UNC13B: variants seen among roughly 807,000 people sequenced by gnomAD.
UNC13B encodes the protein unc-13 homolog B, also known as protein unc-13 homolog B.
A neutral mutation model predicts 211.0 loss-of-function variants in UNC13B; 144 were observed. That is an observed-to-expected ratio of 0.68 (90% CI 0.60 to 0.78). The LOEUF (loss-of-function observed/expected upper bound fraction) is 0.78. Among genes scored for constraint, UNC13B ranks in the 30% least tolerant of loss-of-function variants. UNC13B has a pLI of 0.00. For synonymous variants in UNC13B, 709 were observed against 725.8 expected, an observed-to-expected ratio of 0.98 and a Z score of 0.37; for missense variants, 1,777 against 2,002.0, an observed-to-expected ratio of 0.89 and a Z score of 2.14.
Position 35,177,904 on chromosome 9 carries a change from A to G in UNC13B, c.22+15599A>G, listed in dbSNP as rs373606924. ...CAGGGAAGAATTGTAGAAAAAGTCA[A>G]GTTTTCCATTATGGTGTCACTCATT... is the stretch of plus-strand genomic sequence containing the variant. On this transcript the variant is annotated intron_variant, in intron 1 of 39. Coordinates refer to ENST00000635942, the MANE Select transcript of UNC13B (RefSeq NM_001371189.2). 7.6e-4 allele frequency among the ~76,000 whole-genome samples: 116 copies of G among 152,346 alleles called. 2 individuals are homozygous for G. In the South Asian group the frequency reaches 0.019, roughly 25 times the overall value.
At chr9:35,310,233 A>G (rs1374727458) in intron 9 of UNC13B, among the ~76,000 whole-genome samples, 1 of 152,234 alleles carries the variant, frequency 6.6e-6, no homozygotes, top group Non-Finnish European at 1.5e-5. Context: ...AGTCAAGTGC[A>G]GAACTGAGGT....
At chr9:35,279,138 TTCCAAAACA>T (rs1284589041) in intron 7 of UNC13B, among the ~76,000 whole-genome samples, 1 of 152,198 alleles carries the variant, frequency 6.6e-6, no homozygotes, top group Non-Finnish European at 1.5e-5. Context: ...ACCTGTCTAG[TTCCAAAACA>T]TTTTTATCCC....
chr9:35,285,256 A>G (rs1221911292), intron 7 of UNC13B, among the ~76,000 whole-genome samples: 1 of 151,990 alleles, frequency 6.6e-6, no homozygotes, highest in Non-Finnish European at 1.5e-5. Context: ...TGTCTGGGAG[A>G]CTGTGGCTTT....
At chr9:35,235,845 G>A (rs549407443) in intron 3 of UNC13B, among the ~76,000 whole-genome samples, 1 of 152,312 alleles carries the variant, frequency 6.6e-6, no homozygotes, top group African/African-American at 2.4e-5. Context: ...TGTTGCCTAT[G>A]GGTGGAAATT....
chr9:35,229,812 A>G (rs926348898), intron 2 of UNC13B, among the ~76,000 whole-genome samples: 3 of 152,204 alleles, frequency 2.0e-5, no homozygotes, highest in South Asian at 2.1e-4. Context: ...TTTAAATGAT[A>G]TTTAAAAGAA....
chr9:35,369,745 A>G (rs1004590932), intron 12 of UNC13B, among the ~76,000 whole-genome samples: 1 of 152,068 alleles, frequency 6.6e-6, no homozygotes, highest in African/African-American at 2.4e-5. Context: ...ATTACACTTG[A>G]TTATGAGGGC....
chr9:35,341,742 CAAGGGTTGTGTGTGCGTGAGTGTGCTGGG>C, intron 11 of UNC13B: 1 of 161,992 alleles, frequency 6.2e-6, no homozygotes, highest in Non-Finnish European at 1.3e-5. Flanking sequence ...AGCTTGCTGG[CAAGGGTTGTGTGTGCGTGAGTGTGCTGGG>C]AAGGGGGTGT....
chr9:35,218,574 T>G (rs1587397250), intron 1 of UNC13B, among the ~76,000 whole-genome samples: 2 of 151,868 alleles, frequency 1.3e-5, no homozygotes, highest in East Asian at 3.9e-4. Context: ...TTAATTAATT[T>G]TTTGTAGAGA....
At chr9:35,247,793 A>G (rs1403942261) in intron 6 of UNC13B, among the ~76,000 whole-genome samples, 1 of 152,218 alleles carries the variant, frequency 6.6e-6, no homozygotes, top group African/African-American at 2.4e-5. Flanking sequence ...AATGTTCATC[A>G]GGGATATTGG....
At chr9:35,312,790 G>T (rs1313834525) in intron 10 of UNC13B, among the ~76,000 whole-genome samples, 3 of 152,212 alleles carry the variant, frequency 2.0e-5, no homozygotes, top group Non-Finnish European at 4.4e-5. Context: ...TGTGGATAAT[G>T]AGTTGTTCTA....
At chr9:35,237,589 A>T in intron 4 of UNC13B, 114 bp from the exon 5 acceptor site, 3 of 1,335,250 alleles carry the variant, frequency 2.2e-6, no homozygotes, top group South Asian at 2.7e-5. Flanking sequence ...CCTTATCAGG[A>T]TGTGAATGGC....
intron 1 of UNC13B, among the ~76,000 whole-genome samples, chr9:35,212,163 A>G (rs918378119): frequency 2.0e-5 from 3 of 152,262 alleles, no homozygotes; most frequent in African/African-American, 7.2e-5. Context: ...GCATGAAGTT[A>G]GACCCTAAGG....
At chr9:35,331,194 CA>C (rs1270165157) in intron 11 of UNC13B, among the ~76,000 whole-genome samples, 7 of 152,126 alleles carry the variant, frequency 4.6e-5, no homozygotes, top group Non-Finnish European at 1.0e-4. Context: ...CAAAGTTATC[CA>C]AAATGAAGCA....
chr9:35,269,295 A>G (rs757060099), intron 7 of UNC13B, among the ~76,000 whole-genome samples: 6 of 152,202 alleles, frequency 3.9e-5, no homozygotes, highest in Non-Finnish European at 8.8e-5. Flanking sequence ...TTAAAAGGAT[A>G]TTTTAAAGGA....
chr9:35,342,212 C>A lies in UNC13B; in HGVS notation c.9415-24735C>A, dbSNP rs535258925. The A allele has an allele frequency of 1.6e-4, 161 of 985,702 alleles. No homozygotes were observed. The African/African-American group carries it at 2.7e-3, about 16-fold the overall frequency. The allele number at this position is 985,702 out of a possible 1,614,324, so 61.1% of individuals were successfully genotyped here. A position where few individuals can be genotyped will look rare whatever the true frequency, so the allele number is the denominator to read the frequency against. On this transcript the variant is annotated intron_variant, in intron 11 of 39. Coordinates refer to ENST00000635942, the MANE Select transcript of UNC13B (RefSeq NM_001371189.2). The stretch of plus-strand genomic sequence containing the variant: ...GCTCAGAAAGTTCGTCCTGTGGCTT[C>A]TCTGTCAAACCAAGGAGTGCTCCTG...
intron 11 of UNC13B, chr9:35,352,724 A>G (rs1290920738): frequency 5.7e-6 from 7 of 1,232,218 alleles, no homozygotes; most frequent in Non-Finnish European, 7.1e-6. Context: ...AGGAGCATCA[A>G]GAACATCTCA....
chr9:35,399,635 AT>A lies in UNC13B; in HGVS notation c.12256-11del. ...GCTGTGAGCTGTCCTGATGCTGCTG[AT>A]TTCTCTGAACAGGATCACATGGTAC... On this transcript the variant is annotated splice_polypyrimidine_tract_variant and intron_variant, in intron 35 of 39. Transcript: ENST00000635942. 1.9e-6 allele frequency: 3 copies of A among 1,614,002 alleles called. No homozygotes were observed. Among genetic ancestry groups the A allele is most frequent in the Non-Finnish European group, 2.5e-6 (3 of 1,179,946 alleles).
intron 11 of UNC13B, among the ~76,000 whole-genome samples, chr9:35,326,662 T>C (rs1386942535): frequency 6.6e-6 from 1 of 152,244 alleles, no homozygotes; most frequent in Non-Finnish European, 1.5e-5. Flanking sequence ...GCACTGGGAT[T>C]GCAGGTGTGA....
In UNC13B at chr9:35,333,569, CTT is replaced by C. The variant is rs763347507; in HGVS notation, c.9414+19582_9414+19583del. 4.6e-5 allele frequency among the ~76,000 whole-genome samples: 7 copies of C among 152,342 alleles called. No individual in the cohort carries two copies. The South Asian group carries it at 6.2e-4, about 14-fold the overall frequency. On this transcript the variant is annotated intron_variant, in intron 11 of 39. Coordinates refer to ENST00000635942, the MANE Select transcript of UNC13B (RefSeq NM_001371189.2). ...GCCTTCCTCCTTCTCCCTTTCATCTCTTTACCCATCCTCTATCCTCTGCCTTA... is the reference window on the plus strand; with the variant it reads ...GCCTTCCTCCTTCTCCCTTTCATCTCTACCCATCCTCTATCCTCTGCCTTA...
Sources: allele counts gnomAD v4.1 joint callset (sites outside exome capture counted in the v4.1 genomes callset), GRCh38; gene constraint gnomAD v4.1.1; transcripts MANE v1.5; gene names NCBI Gene and HGNC (gene_info 2026-07-23, HGNC 2026-07-21).